Variants in GRM5 observed in about 807,000 individuals in gnomAD.
GRM5 encodes the protein metabotropic glutamate receptor 5.
In GRM5, 19 loss-of-function variants were observed where a neutral mutation model predicts 83.1. The ratio of observed to expected loss-of-function variants is 0.23; its 90% CI spans 0.16 to 0.34. The LOEUF is 0.34. Among genes scored for constraint, GRM5 ranks in the 10% least tolerant of loss-of-function variants. GRM5 has a pLI of 1.00. For missense variants in GRM5, 1,160 were observed against 1,588.3 expected, an observed-to-expected ratio of 0.73 and a Z score of 4.58; for synonymous variants, 675 against 633.6, an observed-to-expected ratio of 1.07 and a Z score of -0.98.
In GRM5 at chr11:88,727,170, G is replaced by A. The variant is rs567503930; in HGVS notation, c.912-73767C>T. Reference sequence around the variant, plus strand: ...ATCTCATGTGCAAAGACGCACATAGGCTCAAAATAAAGGGATGGAGGAAGA... The same window carrying A: ...ATCTCATGTGCAAAGACGCACATAGACTCAAAATAAAGGGATGGAGGAAGA... On this transcript the variant is annotated intron_variant, in intron 3 of 9. Coordinates refer to ENST00000305447, the MANE Select transcript of GRM5 (RefSeq NM_001143831.3). Among the ~76,000 whole-genome samples, 3 of 152,256 alleles carry A rather than the reference G, an allele frequency of 2.0e-5. No individual in the cohort carries two copies. In the East Asian group the frequency reaches 5.8e-4, roughly 29 times the overall value.
intron 2 of GRM5, among the ~76,000 whole-genome samples, chr11:88,930,425 A>T (rs1358096236): frequency 6.6e-6 from 1 of 152,136 alleles, no homozygotes; most frequent in Non-Finnish European, 1.5e-5. Flanking sequence ...TAATAAATAC[A>T]TAAATAAGTA....
At chr11:88,519,447 C>T (rs901150788) in intron 9 of GRM5, among the ~76,000 whole-genome samples, 2 of 151,962 alleles carry the variant, frequency 1.3e-5, no homozygotes, top group African/African-American at 4.8e-5. Flanking sequence ...TGGCTGATAA[C>T]ATAGTGATTA....
At position 88,931,575 on chromosome 11, in the gene GRM5, T is replaced by A. The variant is rs527731256; in HGVS notation, c.662-81420A>T. Among the ~76,000 whole-genome samples, 5 of 152,266 alleles carry A rather than the reference T, an allele frequency of 3.3e-5. No homozygotes were observed. In the South Asian group the frequency reaches 8.3e-4, roughly 25 times the overall value. ...CAAAAGCAGGGCTGGAAAACCATGTTGAGGAACTAGCATGAGCAAAGACAG... is the reference window on the plus strand; with the variant it reads ...CAAAAGCAGGGCTGGAAAACCATGTAGAGGAACTAGCATGAGCAAAGACAG... On this transcript the variant is annotated intron_variant, in intron 2 of 9. Transcript: ENST00000305447.
At chr11:88,951,154 T>C (rs1261804305) in intron 2 of GRM5, among the ~76,000 whole-genome samples, 1 of 152,186 alleles carries the variant, frequency 6.6e-6, no homozygotes, top group African/African-American at 2.4e-5. Context: ...GAGGTCTATG[T>C]ATTTCATTTC....
chr11:88,617,237 G>T (rs1278016228), intron 4 of GRM5, among the ~76,000 whole-genome samples: 1 of 152,092 alleles, frequency 6.6e-6, no homozygotes, highest in Non-Finnish European at 1.5e-5. Context: ...GAAAAATTTT[G>T]GTCCAATCAA....
At chr11:88,556,563 C>CAT (rs1253667812) in intron 8 of GRM5, among the ~76,000 whole-genome samples, 1 of 151,972 alleles carries the variant, frequency 6.6e-6, no homozygotes, top group African/African-American at 2.4e-5. Context: ...CCTCATGATC[C>CAT]GCCTGCCTTA....
intron 2 of GRM5, among the ~76,000 whole-genome samples, chr11:88,939,698 G>C (rs920604931): frequency 6.6e-6 from 1 of 151,604 alleles, no homozygotes; most frequent in African/African-American, 2.4e-5. Context: ...GTATGTGTGC[G>C]CGTGTTTGGC....
intron 2 of GRM5, among the ~76,000 whole-genome samples, chr11:88,910,992 T>A (rs1945487817): frequency 6.6e-6 from 1 of 152,124 alleles, no homozygotes; most frequent in Non-Finnish European, 1.5e-5. Flanking sequence ...AAGGTTTAAA[T>A]CTTTTATTGA....
intron 3 of GRM5, among the ~76,000 whole-genome samples, chr11:88,694,781 T>C (rs117856874): frequency 3.9e-5 from 6 of 152,290 alleles, no homozygotes; most frequent in East Asian, 3.9e-4. Context: ...ATATGATTGC[T>C]TATGATTGCA....
At chr11:89,010,939 CT>C (rs1443169190) in intron 2 of GRM5, among the ~76,000 whole-genome samples, 1 of 152,156 alleles carries the variant, frequency 6.6e-6, no homozygotes, top group Non-Finnish European at 1.5e-5. Context: ...CTGATGGACT[CT>C]AGGTAACTTA....
At chr11:89,003,475 T>C (rs1940444336) in intron 2 of GRM5, among the ~76,000 whole-genome samples, 1 of 152,114 alleles carries the variant, frequency 6.6e-6, no homozygotes. Context: ...TAATATAGCA[T>C]GCATTGAGAT....
chr11:88,638,090 G>A (rs1806695541), intron 4 of GRM5, among the ~76,000 whole-genome samples: 1 of 146,822 alleles, frequency 6.8e-6, no homozygotes, highest in Non-Finnish European at 1.5e-5. Context: ...TCACTCTTAG[G>A]TGGGAATTGA....
At chr11:88,570,571 A>ATATATATATATTTTTTTT (rs1405339448) in intron 7 of GRM5, among the ~76,000 whole-genome samples, 2 of 46,378 alleles carry the variant, frequency 4.3e-5, no homozygotes, top group South Asian at 7.8e-4. Context: ...ATATATATAT[A>ATATATATATATTTTTTTT]TTTTTTTTTT....
intron 2 of GRM5, among the ~76,000 whole-genome samples, chr11:88,895,696 A>G (rs1223858539): frequency 6.6e-6 from 1 of 151,966 alleles, no homozygotes; most frequent in African/African-American, 2.4e-5. Context: ...GCTACTTTTA[A>G]ACAATAATGT....
chr11:88,886,896 T>C lies in GRM5; in HGVS notation c.662-36741A>G, dbSNP rs1590939527. ...GATATAGCTCAAGGGAAGGCATCTT[T>C]GTGATTTTCGAGGAACAGAGGGTCA... On this transcript the variant is annotated intron_variant, in intron 2 of 9. Transcript: ENST00000305447. 3.9e-5 allele frequency among the ~76,000 whole-genome samples: 6 copies of C among 152,314 alleles called. No homozygotes were observed. The East Asian group carries it at 1.2e-3, about 29-fold the overall frequency.
chr11:88,893,150 A>G (rs1945176548), intron 2 of GRM5, among the ~76,000 whole-genome samples: 1 of 151,836 alleles, frequency 6.6e-6, no homozygotes, highest in Admixed American at 6.6e-5. Context: ...ACCAAAAAAA[A>G]AAAAAGAAAA....
rs114581753 is a variant in GRM5 at position 88,767,412 on chromosome 11, G to A, written c.911+82494C>T. 7.8e-3 allele frequency among the ~76,000 whole-genome samples: 1,189 copies of A among 151,984 alleles called. 20 individuals are homozygous for A. The highest frequency in any genetic ancestry group is 0.027 in the African/African-American group (1,122 of 41,488). On this transcript the variant is annotated intron_variant, in intron 3 of 9. Transcript: ENST00000305447. ...CAGCACTATTCACAATAGCAAAGACGTGAAATCAACCTCAATGCCCACCAA... is the reference window on the plus strand; with the variant it reads ...CAGCACTATTCACAATAGCAAAGACATGAAATCAACCTCAATGCCCACCAA...
chr11:89,022,759 G>A (rs1591055976), intron 2 of GRM5, among the ~76,000 whole-genome samples: 1 of 152,104 alleles, frequency 6.6e-6, no homozygotes, highest in East Asian at 1.9e-4. Context: ...TGCTCAAATA[G>A]AACTGCAATA....
intron 2 of GRM5, among the ~76,000 whole-genome samples, chr11:89,046,377 T>C (rs567037286): frequency 6.6e-5 from 10 of 152,278 alleles, no homozygotes; most frequent in African/African-American, 2.4e-4. Context: ...ATACACATTT[T>C]TTTTTTTCTA....
Sources: gnomAD v4.1 joint callset for allele counts (sites outside exome capture counted in the v4.1 genomes callset) on GRCh38, gnomAD v4.1.1 for gene constraint, MANE v1.5 for transcripts, NCBI Gene and HGNC (gene_info 2026-07-23, HGNC 2026-07-21) for gene names.